ENTPD5: variants seen among roughly 807,000 people sequenced by gnomAD.
ENTPD5 encodes nucleoside diphosphate phosphatase ENTPD5.
ENTPD5 carries 49 observed loss-of-function variants against 60.2 expected under a neutral mutation model. The observed-to-expected ratio is 0.81, with a 90% confidence interval of 0.65 to 1.03. The LOEUF (loss-of-function observed/expected upper bound fraction) is 1.03. Among genes scored for constraint, ENTPD5 ranks in the 50% least tolerant of loss-of-function variants. ENTPD5 has a pLI of 0.00. For missense variants in ENTPD5, 480 were observed against 507.6 expected, an observed-to-expected ratio of 0.95 and a Z score of 0.52; for synonymous variants, 187 against 185.4, an observed-to-expected ratio of 1.01 and a Z score of -0.07.
Position 74,005,364 on chromosome 14 carries a change from C to CAAAAAAAAAAAA in ENTPD5, c.-71+5726_-71+5727insTTTTTTTTTTTT, listed in dbSNP as rs35560902. On this transcript the variant is annotated intron_variant, in intron 3 of 15. Coordinates refer to ENST00000334696, the MANE Select transcript of ENTPD5 (RefSeq NM_001249.5). The stretch of plus-strand genomic sequence containing the variant: ...TGGGTGAGAGAGCAAGACTCGGTCT[C>CAAAAAAAAAAAA]AAAAAAAAAGAAAAGAAATATAGGC... 2.6e-4 allele frequency among the ~76,000 whole-genome samples: 30 copies of CAAAAAAAAAAAA among 117,100 alleles called. 3 individuals carry two copies. Among genetic ancestry groups the CAAAAAAAAAAAA allele is most frequent in the East Asian group, 1.7e-3 (5 of 2,962 alleles). 76.8% of individuals were successfully genotyped at this position (117,100 alleles called of 152,430 possible).
chr14:74,007,254 G>A (rs368710290), intron 3 of ENTPD5, among the ~76,000 whole-genome samples: 15 of 152,292 alleles, frequency 9.8e-5, no homozygotes, highest in African/African-American at 3.1e-4. Flanking sequence ...GGGCGCGGTG[G>A]CTCACGCCTG....
intron 6 of ENTPD5, among the ~76,000 whole-genome samples, chr14:73,981,714 G>A (rs1305532973): frequency 6.6e-6 from 1 of 151,512 alleles, no homozygotes; most frequent in African/African-American, 2.4e-5. Flanking sequence ...GGCTAAGGCA[G>A]GAGGATTGCT....
downstream of ENTPD5, chr14:73,958,601 C>A (rs1363037284): frequency 1.6e-6 from 2 of 1,287,650 alleles, no homozygotes; most frequent in Non-Finnish European, 2.0e-6. Context: ...CATTTTTCTC[C>A]TTTCTGCTCA....
chr14:74,014,548 C>A (rs557326082), intron 2 of ENTPD5, among the ~76,000 whole-genome samples: 1 of 152,230 alleles, frequency 6.6e-6, no homozygotes, highest in African/African-American at 2.4e-5. Context: ...GAGACCCTGT[C>A]ATTCATTAAC....
chr14:73,991,383 T>C lies in ENTPD5; in HGVS notation c.-70-3211A>G, dbSNP rs566657658. ...CTGGCGGATCACTTGAGGTTAGGAG[T>C]TTGAGATCAGCCTGGCCAACGTGGT... is the stretch of plus-strand genomic sequence containing the variant. On this transcript the variant is annotated intron_variant, in intron 3 of 15. Transcript: ENST00000334696. Among the ~76,000 whole-genome samples the C allele has an allele frequency of 2.6e-5, 4 of 151,452 alleles. No individual in the cohort carries two copies. In the South Asian group the frequency reaches 8.4e-4, roughly 32 times the overall value.
chr14:73,955,611 C>A, downstream of ENTPD5: 1 of 1,365,464 alleles, frequency 7.3e-7, no homozygotes, highest in Non-Finnish European at 1.0e-6. Flanking sequence ...AGGAATCAGA[C>A]AAGGTTCACA....
chr14:74,016,737 T>C (rs966943408), intron 1 of ENTPD5, among the ~76,000 whole-genome samples: 1 of 152,246 alleles, frequency 6.6e-6, no homozygotes, highest in African/African-American at 2.4e-5. Flanking sequence ...CAAATTTTTA[T>C]GTTCATACAT....
rs1392306826 is a variant in ENTPD5 at position 73,970,063 on chromosome 14, T to C, written c.1147A>G (p.Ile383Val). Residue 383 changes from isoleucine (I) to valine (V), a missense_variant, in exon 15 of 16, where the codon ATC (isoleucine) becomes GTC (valine). Transcript: ENST00000334696. ...SPFLCMDLSY[I>V]TALLKDGFGF... ...AAGCCATCCTTTAACAGGGCTGTGA[T>C]GTAGCTGAGATCCATGCACAGGAAA... The C allele has an allele frequency of 1.2e-6, 2 of 1,613,912 alleles. No homozygotes were observed. The highest frequency in any genetic ancestry group is 1.3e-5 in the African/African-American group (1 of 74,920).
chr14:74,003,113 TGC>T (rs2058561687), intron 3 of ENTPD5, among the ~76,000 whole-genome samples: 1 of 152,232 alleles, frequency 6.6e-6, no homozygotes, highest in African/African-American at 2.4e-5. Context: ...CACCTTCACA[TGC>T]TCCCACCTCT....
At chr14:73,974,484 C>A (rs1426186947) in intron 11 of ENTPD5, among the ~76,000 whole-genome samples, 1 of 152,180 alleles carries the variant, frequency 6.6e-6, no homozygotes, top group African/African-American at 2.4e-5. Context: ...AGGTTACTTG[C>A]CTCATATCAC....
At chr14:73,996,123 G>A (rs1360219558) in intron 3 of ENTPD5, 10 of 984,958 alleles carry the variant, frequency 1.0e-5, no homozygotes, top group South Asian at 4.7e-5. Context: ...TGTGTCTGCC[G>A]GTTCCCTGAG....
chr14:73,982,974 A>G (rs1706002300), intron 6 of ENTPD5, 44 bp downstream of exon 6: 3 of 1,590,146 alleles, frequency 1.9e-6, no homozygotes, highest in African/African-American at 2.7e-5. Context: ...GTATTCATAT[A>G]GGGAAAAGGG....
chr14:73,981,239 G>A (rs770450361), intron 6 of ENTPD5, among the ~76,000 whole-genome samples: 5 of 151,968 alleles, frequency 3.3e-5, no homozygotes, highest in Admixed American at 2.6e-4. Flanking sequence ...AGTGGCTCAC[G>A]TCTGTAATCC....
chr14:74,004,974 T>G (rs2058625935), intron 3 of ENTPD5, among the ~76,000 whole-genome samples: 1 of 152,174 alleles, frequency 6.6e-6, no homozygotes, highest in Non-Finnish European at 1.5e-5. Context: ...TGGGGTTTTT[T>G]TTCCAGTATA....
intron 5 of ENTPD5, 152 bp from the exon 6 acceptor site, chr14:73,983,313 G>A: frequency 2.5e-6 from 2 of 784,534 alleles, no homozygotes; most frequent in Non-Finnish European, 3.8e-6. Flanking sequence ...ACCTAGAGAA[G>A]TGGGCCGCTT....
At chr14:73,972,788 C>A in intron 13 of ENTPD5, 96 bp downstream of exon 13, 3 of 1,422,356 alleles carry the variant, frequency 2.1e-6, no homozygotes, top group Non-Finnish European at 1.9e-6. Context: ...TGGGTAATCA[C>A]CCCGACAAAG....
chr14:73,983,618 C>T (rs1312773004), intron 5 of ENTPD5, among the ~76,000 whole-genome samples: 3 of 107,166 alleles, frequency 2.8e-5, no homozygotes, highest in African/African-American at 8.7e-5. Context: ...AGTGACACTC[C>T]ATCTCAAAAA....
downstream of ENTPD5, chr14:73,955,819 CT>C: frequency 2.5e-6 from 4 of 1,614,140 alleles, no homozygotes; most frequent in Non-Finnish European, 3.4e-6. Flanking sequence ...GGGACGCCTG[CT>C]CAGAGGCCCT....
At chr14:73,969,063 C>T (rs2057107483) in intron 15 of ENTPD5, among the ~76,000 whole-genome samples, 1 of 152,234 alleles carries the variant, frequency 6.6e-6, no homozygotes, top group Non-Finnish European at 1.5e-5. Context: ...CTCTTGGTCT[C>T]TCATGTCCTC....
Sources: allele counts gnomAD v4.1 joint callset (sites outside exome capture counted in the v4.1 genomes callset), GRCh38; gene constraint gnomAD v4.1.1; transcripts MANE v1.5; gene names NCBI Gene and HGNC (gene_info 2026-07-23, HGNC 2026-07-21).